Variants in TMEM266 observed in about 807,000 individuals in gnomAD.
TMEM266 encodes Hv1 related protein 1.
TMEM266 carries 33 observed loss-of-function variants against 50.5 expected under a neutral mutation model. The observed-to-expected ratio is 0.65, with a 90% CI of 0.50 to 0.87. The LOEUF is 0.87. Among genes scored for constraint, TMEM266 ranks in the 40% least tolerant of loss-of-function variants. The pLI is 0.00. For missense variants in TMEM266, 655 were observed against 695.1 expected (o/e 0.94, Z 0.65); for synonymous variants, 310 against 292.3 (o/e 1.06, Z -0.62).
chr15:76,081,028 G>A (rs1255721362), intron 1 of TMEM266, among the ~76,000 whole-genome samples: 1 of 152,132 alleles, frequency 6.6e-6, no homozygotes, highest in African/African-American at 2.4e-5. Context: ...GGGATTACAG[G>A]CATGAGCCTC....
At chr15:76,184,103 C>T (rs1320682986) in intron 8 of TMEM266, among the ~76,000 whole-genome samples, 1 of 152,212 alleles carries the variant, frequency 6.6e-6, no homozygotes, top group African/African-American at 2.4e-5. Context: ...GGAATAAAGC[C>T]GTGGTTCCAT....
chr15:76,161,909 C>G lies in TMEM266; in HGVS notation c.456+1741C>G, dbSNP rs1010221277. ...TGTGCCATGTGTCTGTGACTGCCAA[C>G]AAAAATGTTTAATCAGTTGCTGCGG... On this transcript the variant is annotated intron_variant, in intron 5 of 10. Coordinates refer to ENST00000388942, the MANE Select transcript of TMEM266 (RefSeq NM_152335.3). This position sits in a 1 kb window ranked among gnomAD's most constrained non-coding sequence, Gnocchi z 4.1. 6.6e-6 allele frequency among the ~76,000 whole-genome samples: 1 copy of G among 152,258 alleles called. No homozygotes were observed. The highest frequency in any genetic ancestry group is 2.4e-5 in the African/African-American group (1 of 41,468).
intron 7 of TMEM266, among the ~76,000 whole-genome samples, chr15:76,174,191 C>G (rs1460167665): frequency 6.6e-6 from 1 of 152,214 alleles, no homozygotes; most frequent in Non-Finnish European, 1.5e-5. Flanking sequence ...GGAAGGCCCA[C>G]TGCCTTCTCA....
chr15:76,170,885 G>A (rs1567175100), intron 6 of TMEM266, 108 bp from the exon 7 acceptor site: 5 of 1,390,020 alleles, frequency 3.6e-6, no homozygotes, highest in African/African-American at 2.9e-5. Context: ...TCTGGTGGGG[G>A]CCCGGGCTGC....
rs199900820 is a variant in TMEM266, at chr15:76,171,008, G to C, written c.529G>C (p.Val177Leu). 5.6e-6 allele frequency: 9 copies of C among 1,612,848 alleles called. No homozygotes were observed. Among genetic ancestry groups the C allele is most frequent in the Non-Finnish European group, 7.6e-6 (9 of 1,179,604 alleles). The change falls in exon 7 of 11, where the codon GTG (valine) becomes CTG (leucine). Residue 177 changes from valine (V) to leucine (L), a missense_variant. This residue lies in a region of TMEM266 where 101 missense variants were observed against 182.6 expected (regional missense o/e 0.55). Transcript: ENST00000388942. The stretch of plus-strand genomic sequence containing the variant: ...CCTCTCACAGGTGTTTGACGGGGCT[G>C]TGATCATCCTATCTTTGGCTCCGAT...
intron 3 of TMEM266, among the ~76,000 whole-genome samples, chr15:76,145,619 G>A (rs1486327323): frequency 6.6e-6 from 1 of 152,232 alleles, no homozygotes; most frequent in Non-Finnish European, 1.5e-5. Flanking sequence ...TGTTACTCCA[G>A]TGGGATGGGA....
intron 3 of TMEM266, among the ~76,000 whole-genome samples, chr15:76,150,187 G>T (rs2037816960): frequency 1.3e-5 from 2 of 152,300 alleles, no homozygotes; most frequent in Middle Eastern, 6.8e-3. Flanking sequence ...TGCATTTGGG[G>T]GGTGTAAGGG....
chr15:76,153,988 C>T lies in TMEM266; in HGVS notation c.228-2616C>T, dbSNP rs67979629. On this transcript the variant is annotated intron_variant, in intron 3 of 10. Transcript: ENST00000388942. This position sits in a 1 kb window ranked among gnomAD's most constrained non-coding sequence, Gnocchi z 4.2. Reference sequence around the variant, plus strand: ...GCCAGGTCCCTCCCTCCTGCCCCTTCGGGACAGATGGCCTTCCCATGCGCT... The same window carrying T: ...GCCAGGTCCCTCCCTCCTGCCCCTTTGGGACAGATGGCCTTCCCATGCGCT... Among the ~76,000 whole-genome samples, 545 of 152,274 alleles carry T rather than the reference C, an allele frequency of 3.6e-3. 3 individuals carry two copies. The highest frequency in any genetic ancestry group is 6.3e-3 in the Non-Finnish European group (428 of 68,010).
intron 3 of TMEM266, among the ~76,000 whole-genome samples, chr15:76,147,473 C>T (rs2142039790): frequency 6.6e-6 from 1 of 152,158 alleles, no homozygotes; most frequent in Middle Eastern, 3.4e-3. Flanking sequence ...TTCGATAATC[C>T]ACTTTCTTGA....
At chr15:76,084,243 G>A (rs2036738560) in intron 1 of TMEM266, among the ~76,000 whole-genome samples, 1 of 152,148 alleles carries the variant, frequency 6.6e-6, no homozygotes, top group Non-Finnish European at 1.5e-5. Context: ...GAGTCCAGAA[G>A]TTAGAGGCTA....
intron 1 of TMEM266, among the ~76,000 whole-genome samples, chr15:76,079,074 A>T (rs566610094): frequency 2.0e-5 from 3 of 152,206 alleles, no homozygotes; most frequent in Non-Finnish European, 4.4e-5. Context: ...GTCACAGGGG[A>T]TGTGCACGTG....
intron 8 of TMEM266, among the ~76,000 whole-genome samples, chr15:76,180,607 C>CATTT (rs772297807): frequency 1.6e-5 from 1 of 63,170 alleles, no homozygotes; most frequent in Non-Finnish European, 2.7e-5. Flanking sequence ...TCATCTTAAG[C>CATTT]TTTTTTTTTT....
chr15:76,101,503 C>T (rs1169024511), intron 1 of TMEM266, among the ~76,000 whole-genome samples: 1 of 152,226 alleles, frequency 6.6e-6, no homozygotes, highest in Non-Finnish European at 1.5e-5. Flanking sequence ...AGTTCCAGAA[C>T]TGGTGCAGGC....
At chr15:76,114,788 A>G (rs1209359783) in intron 1 of TMEM266, among the ~76,000 whole-genome samples, 1 of 152,056 alleles carries the variant, frequency 6.6e-6, no homozygotes. Flanking sequence ...GTTCCGAAAC[A>G]TTTTCATCAC....
rs777578006 is a variant in TMEM266, at chr15:76,171,004, G to T, written c.525G>T (p.Gly175=). Residue 175 remains glycine, a synonymous_variant, in exon 7 of 11, where the codon GGG becomes GGT. Transcript: ENST00000388942. ...GCCTCCTCTCACAGGTGTTTGACGG[G>T]GCTGTGATCATCCTATCTTTGGCTC... 3 of 1,612,622 alleles carry T rather than the reference G, an allele frequency of 1.9e-6. No individual in the cohort carries two copies. Among genetic ancestry groups the T allele is most frequent in the Non-Finnish European group, 2.5e-6 (3 of 1,179,540 alleles).
intron 1 of TMEM266, among the ~76,000 whole-genome samples, chr15:76,130,013 T>G (rs2037481867): frequency 6.6e-6 from 1 of 151,244 alleles, no homozygotes; most frequent in Non-Finnish European, 1.5e-5. Flanking sequence ...TGCTTGAGCC[T>G]AGGAGTTCGA....
At chr15:76,179,660 T>C (rs1344977505) in intron 8 of TMEM266, among the ~76,000 whole-genome samples, 1 of 152,248 alleles carries the variant, frequency 6.6e-6, no homozygotes, top group East Asian at 1.9e-4. Context: ...GACAGTCTAG[T>C]ATTCCTTGTG....
chr15:76,162,852 T>A (rs1248156813), intron 5 of TMEM266, among the ~76,000 whole-genome samples: 1 of 152,348 alleles, frequency 6.6e-6, no homozygotes, highest in African/African-American at 2.4e-5. Flanking sequence ...TCTTCAGGTC[T>A]GCCAGTTCTT....
At chr15:76,162,565 A>G (rs568488872) in intron 5 of TMEM266, among the ~76,000 whole-genome samples, 57 of 152,306 alleles carry the variant, frequency 3.7e-4, no homozygotes, top group Non-Finnish European at 6.2e-4. Context: ...TTTGCCCACC[A>G]TACCAGTGGC....
Sources: allele counts gnomAD v4.1 joint callset (sites outside exome capture counted in the v4.1 genomes callset), GRCh38; gene constraint gnomAD v4.1.1; regional missense constraint gnomAD v4.1.1; non-coding constraint Gnocchi (gnomAD v3.1); transcripts MANE v1.5; gene names NCBI Gene and HGNC (gene_info 2026-07-23, HGNC 2026-07-21).